RECK: variants seen among roughly 807,000 people sequenced by gnomAD.
The protein encoded by RECK is reversion-inducing cysteine-rich protein with Kazal motifs.
RECK carries 69 observed loss-of-function variants against 115.1 expected under a neutral mutation model. The observed-to-expected ratio is 0.60, with a 90% CI of 0.49 to 0.73. The LOEUF (loss-of-function observed/expected upper bound fraction) is 0.73. Among genes scored for constraint, RECK ranks in the 30% least tolerant of loss-of-function variants. RECK has a pLI of 0.00. For synonymous variants in RECK, 414 were observed against 419.7 expected (o/e 0.99, Z 0.17); for missense variants, 1,047 against 1,203.7 (o/e 0.87, Z 1.93).
chr9:36,120,192 G>T (rs556072494), intron 18 of RECK, among the ~76,000 whole-genome samples: 1 of 151,652 alleles, frequency 6.6e-6, no homozygotes, highest in South Asian at 2.1e-4. Flanking sequence ...CCGAGATCGC[G>T]CCACTGCACT....
chr9:36,058,246 C>G (rs1288868268), intron 2 of RECK, among the ~76,000 whole-genome samples: 3 of 151,914 alleles, frequency 2.0e-5, no homozygotes, highest in Admixed American at 6.6e-5. Flanking sequence ...AGACTTGGAA[C>G]CAACCCAGAT....
chr9:36,107,160 A>G (rs534922200), intron 13 of RECK, among the ~76,000 whole-genome samples: 50 of 151,664 alleles, frequency 3.3e-4, no homozygotes, highest in African/African-American at 1.1e-3. Flanking sequence ...GTTTCATTAA[A>G]CTCAGAAAAC....
At position 36,120,712 on chromosome 9, in the gene RECK, A is replaced by G. The variant is rs150899620; in HGVS notation, c.2514A>G (p.Lys838=). 1 of 1,612,760 alleles carries G rather than the reference A, an allele frequency of 6.2e-7. No individual in the cohort carries two copies. Among genetic ancestry groups the G allele is most frequent in the Non-Finnish European group, 8.5e-7 (1 of 1,178,708 alleles). Residue 838 remains lysine (K), a synonymous_variant, in exon 19 of 21, where the codon AAA becomes AAG. Coordinates refer to ENST00000377966, the MANE Select transcript of RECK (RefSeq NM_021111.3). ...GGATGTTAAGAGTTTTATTTGACAAAGAAAAACTGGATACTATTGCTAAGG... is the reference window on the plus strand; with the variant it reads ...GGATGTTAAGAGTTTTATTTGACAAGGAAAAACTGGATACTATTGCTAAGG... ...CAGMLRVLFD[K]EKLDTIAKVT...
At chr9:36,093,951 T>C (rs1258290914) in intron 10 of RECK, among the ~76,000 whole-genome samples, 1 of 152,098 alleles carries the variant, frequency 6.6e-6, no homozygotes, top group Non-Finnish European at 1.5e-5. Flanking sequence ...CATCAAGTAG[T>C]ATCCCAAGTA....
intron 6 of RECK, among the ~76,000 whole-genome samples, chr9:36,066,398 G>T (rs1821999133): frequency 6.6e-6 from 1 of 151,944 alleles, no homozygotes; most frequent in Non-Finnish European, 1.5e-5. Context: ...ACAAACATTG[G>T]GATTCCTATT....
intron 1 of RECK, 104 bp from the exon 2 acceptor site, chr9:36,052,161 A>C: frequency 1.4e-6 from 1 of 690,416 alleles, no homozygotes; most frequent in Admixed American, 2.1e-5. Context: ...AATAATAATA[A>C]TAATCATCAT....
At position 36,100,437 on chromosome 9, in the gene RECK, C is replaced by A. The variant is rs772347343; in HGVS notation, c.1192C>A (p.Pro398Thr). ...GSIKMPFINI[P>T]VLDIKKCQPE... Reference sequence around the variant, plus strand: ...CATAAAGATGCCATTTATCAATATACCTGTTCTTGATATTAAAAAGTGCCA... The same window carrying A: ...CATAAAGATGCCATTTATCAATATAACTGTTCTTGATATTAAAAAGTGCCA... Residue 398 changes from proline (P) to threonine (T), a missense_variant, in exon 11 of 21, where the codon CCT (proline) becomes ACT (threonine). Transcript: ENST00000377966. The A allele has an allele frequency of 5.6e-6, 9 of 1,612,622 alleles. No homozygotes were observed. The highest frequency in any genetic ancestry group is 7.6e-6 in the Non-Finnish European group (9 of 1,178,656).
chr9:36,096,027 C>A (rs1278472701), intron 10 of RECK, among the ~76,000 whole-genome samples: 18 of 142,524 alleles, frequency 1.3e-4, no homozygotes, highest in Admixed American at 1.4e-4. Context: ...GAGATCACAT[C>A]ATTGCACTCC....
At chr9:36,116,699 G>A (rs1195959389) in intron 16 of RECK, among the ~76,000 whole-genome samples, 1 of 151,650 alleles carries the variant, frequency 6.6e-6, no homozygotes, top group Non-Finnish European at 1.5e-5. Flanking sequence ...TGCCCCCTTT[G>A]CCCCCCCAGC....
At chr9:36,115,293 T>C (rs1324284379) in intron 16 of RECK, among the ~76,000 whole-genome samples, 2 of 151,578 alleles carry the variant, frequency 1.3e-5, no homozygotes, top group African/African-American at 2.4e-5. Context: ...CCAGCCTGGG[T>C]GACAGAGCAA....
At chr9:36,080,781 A>C in intron 7 of RECK, 143 bp downstream of exon 7, 1 of 704,278 alleles carries the variant, frequency 1.4e-6, no homozygotes. Flanking sequence ...CCATGTCTTA[A>C]CTGTAGATCT....
In RECK at chr9:36,057,118, T is replaced by G. The variant is rs1410054420; in HGVS notation, c.160-1709T>G. 7 of 562,054 alleles carry G rather than the reference T, an allele frequency of 1.2e-5. No homozygotes were observed. The Admixed American group carries it at 3.8e-4, about 31-fold the overall frequency. 34.8% of individuals were successfully genotyped at this position (562,054 alleles called of 1,614,324 possible). A position where few individuals can be genotyped will look rare whatever the true frequency, so the allele number is the denominator to read the frequency against. On this transcript the variant is annotated intron_variant, in intron 2 of 20. Coordinates refer to ENST00000377966, the MANE Select transcript of RECK (RefSeq NM_021111.3). ...TTTGGAAGTGAGCCATTTGGCTTGG[T>G]GAGTGAACCTTTGTCAGCTCATCAG...
In RECK at chr9:36,112,579, C is replaced by A. The variant is rs185244549; in HGVS notation, c.2060+103C>A. 14 of 1,229,278 alleles carry A rather than the reference C, an allele frequency of 1.1e-5. No homozygotes were observed. In the Admixed American group the frequency reaches 1.9e-4, roughly 17 times the overall value. 76.1% of individuals were successfully genotyped at this position (1,229,278 alleles called of 1,614,324 possible). On this transcript the variant is annotated intron_variant, in intron 16 of 20. Coordinates refer to ENST00000377966, the MANE Select transcript of RECK (RefSeq NM_021111.3). ...AACAGAAAGGTAAATTAAGAAATCG[C>A]TGCTGCCCTGAAGAGTTTGGAGTCT...
intron 11 of RECK, among the ~76,000 whole-genome samples, chr9:36,101,236 C>G (rs1227740784): frequency 6.6e-6 from 1 of 152,170 alleles, no homozygotes; most frequent in Non-Finnish European, 1.5e-5. Flanking sequence ...CAGGCCTGAG[C>G]CACTGCGCCC....
At chr9:36,117,569 A>G (rs1824309932) in intron 17 of RECK, among the ~76,000 whole-genome samples, 1 of 152,208 alleles carries the variant, frequency 6.6e-6, no homozygotes, top group East Asian at 1.9e-4. Flanking sequence ...CTCTTCCCAC[A>G]TCAGTCCCAC....
chr9:36,046,650 T>C (rs1332678098), intron 1 of RECK, among the ~76,000 whole-genome samples: 2 of 152,188 alleles, frequency 1.3e-5, no homozygotes, highest in Admixed American at 6.5e-5. Context: ...GACTTTAGGC[T>C]TCCCTCTTTC....
In RECK at chr9:36,043,984, G is replaced by GT. The variant is rs1820982062; in HGVS notation, c.100+6892dup. Among the ~76,000 whole-genome samples, 5 of 152,158 alleles carry GT rather than the reference G, an allele frequency of 3.3e-5. No individual in the cohort carries two copies. The South Asian group carries it at 1.0e-3, about 32-fold the overall frequency. ...AATTCAAATTTTAGGAACTAGAATT[G>GT]TTTTTTCTAGTTCTGTGAAGAATGA... On this transcript the variant is annotated intron_variant, in intron 1 of 20. Transcript: ENST00000377966.
chr9:36,112,592 G>A (rs1824100549), intron 16 of RECK, 116 bp downstream of exon 16: 1 of 1,103,638 alleles, frequency 9.1e-7, no homozygotes, highest in East Asian at 2.6e-5. Flanking sequence ...CTGCCCTGAA[G>A]AGTTTGGAGT....
chr9:36,061,368 G>A (rs1367194974), intron 4 of RECK, among the ~76,000 whole-genome samples: 3 of 141,762 alleles, frequency 2.1e-5, no homozygotes, highest in Non-Finnish European at 4.6e-5. Context: ...CTTGTACCCA[G>A]CATCCTTAGT....
Sources: allele counts gnomAD v4.1 joint callset (sites outside exome capture counted in the v4.1 genomes callset), GRCh38; gene constraint gnomAD v4.1.1; transcripts MANE v1.5; gene names NCBI Gene and HGNC (gene_info 2026-07-23, HGNC 2026-07-21).